Variants in EFNA2 observed in about 807,000 individuals in gnomAD.
EFNA2 encodes the protein ephrin-A2.
Under a neutral mutation model 19.7 loss-of-function variants are expected in EFNA2, and 18 were observed. That is an observed-to-expected ratio of 0.91 (90% CI 0.63 to 1.35). The LOEUF is 1.35. EFNA2 is among the 40% of genes most tolerant of loss of function. The probability of loss-of-function intolerance (pLI) is 0.00; values close to 1 mark genes in which losing one functional copy is unlikely to be tolerated. For synonymous variants in EFNA2, 187 were observed against 137.8 expected, an observed-to-expected ratio of 1.36 and a Z score of -2.50; for missense variants, 303 against 296.0, an observed-to-expected ratio of 1.02 and a Z score of -0.17.
rs1195861904 is a variant in EFNA2, at chr19:1,295,866, G to T, written c.454+8G>T. ...ACGAGTATTACTACATCTGTGAGTG[G>T]GGTCGGGCCGGGGCTGCCGGGGCCC... On this transcript the variant is annotated splice_region_variant and intron_variant, in intron 2 of 3. Coordinates refer to ENST00000215368, the MANE Select transcript of EFNA2 (RefSeq NM_001405.4). This position sits in a 1 kb window ranked among gnomAD's most constrained non-coding sequence, Gnocchi z 5.8. 1.3e-6 allele frequency: 2 copies of T among 1,574,608 alleles called. No homozygotes were observed. Among genetic ancestry groups the T allele is most frequent in the Non-Finnish European group, 1.7e-6 (2 of 1,166,864 alleles).
chr19:1,298,710 G>T, intron 3 of EFNA2, 94 bp downstream of exon 3: 1 of 1,412,740 alleles, frequency 7.1e-7, no homozygotes, highest in Non-Finnish European at 9.7e-7. Flanking sequence ...CAGGACAGGG[G>T]GCCTCGGGTT....
Position 1,299,777 on chromosome 19 carries a change from A to G in EFNA2, c.521-47A>G, listed in dbSNP as rs561258812. Reference sequence around the variant, plus strand: ...AGGGCGGGCGGCACGTGGGGAGCCCAGTGGGGTTCGGGCGGCCGCTGAGCG... The same window carrying G: ...AGGGCGGGCGGCACGTGGGGAGCCCGGTGGGGTTCGGGCGGCCGCTGAGCG... On this transcript the variant is annotated intron_variant, in intron 3 of 3. Coordinates refer to ENST00000215368, the MANE Select transcript of EFNA2 (RefSeq NM_001405.4). 28 of 1,557,242 alleles carry G rather than the reference A, an allele frequency of 1.8e-5. No individual in the cohort carries two copies. In the South Asian group the frequency reaches 3.3e-4, roughly 18 times the overall value.
At position 1,286,826 on chromosome 19, in the gene EFNA2, G is replaced by C. The variant is rs1412085328; in HGVS notation, c.140+518G>C. 6.6e-6 allele frequency among the ~76,000 whole-genome samples: 1 copy of C among 152,226 alleles called. No homozygotes were observed. Among genetic ancestry groups the C allele is most frequent in the African/African-American group, 2.4e-5 (1 of 41,470 alleles). ...GGAAGTTGGAGTGTCCCTCCCTCAG[G>C]ACCCAGCATCTGCTTCACTCCAGGG... On this transcript the variant is annotated intron_variant, in intron 1 of 3. Transcript: ENST00000215368. This position sits in a 1 kb window ranked among gnomAD's most constrained non-coding sequence, Gnocchi z 5.6.
intron 1 of EFNA2, among the ~76,000 whole-genome samples, chr19:1,290,756 G>C (rs1023168721): frequency 6.6e-6 from 1 of 152,178 alleles, no homozygotes; most frequent in Non-Finnish European, 1.5e-5. Context: ...TACCTTGCTG[G>C]GGGAAGGGCT....
chr19:1,288,112 C>T (rs1442434560), intron 1 of EFNA2, among the ~76,000 whole-genome samples: 1 of 152,240 alleles, frequency 6.6e-6, no homozygotes, highest in Non-Finnish European at 1.5e-5. Context: ...ACCGAGGCTG[C>T]CTCCTCCTTC....
In EFNA2 at chr19:1,286,209, TG is replaced by T; in HGVS notation, c.42del (p.Leu15CysfsTer49). On this transcript the variant is annotated frameshift_variant, in exon 1 of 4. Transcript: ENST00000215368. LOFTEE classifies it high-confidence loss of function. The surrounding 1 kb of genome is among the most constrained non-coding windows in gnomAD (Gnocchi z 5.6). ...CGCCCGCTGCTCCCGCTGCTGCTCC[TG>T]CTGTTACCGCTGCCGCCGCCGCCCT... ...AQRPLLPLLL[L>X]LLPLPPPPFA... is the part of the protein sequence containing the mutation. 9.1e-7 allele frequency: 1 copy of T among 1,100,118 alleles called. No homozygotes were observed. The highest frequency in any genetic ancestry group is 1.1e-6 in the Non-Finnish European group (1 of 893,442). The allele number at this position is 1,100,118 out of a possible 1,614,324, so 68.1% of individuals were successfully genotyped here. A position where few individuals can be genotyped will look rare whatever the true frequency, so the allele number is the denominator to read the frequency against.
rs533045914 is a variant in EFNA2 at position 1,287,973 on chromosome 19, G to T, written c.140+1665G>T. On this transcript the variant is annotated intron_variant, in intron 1 of 3. Coordinates refer to ENST00000215368, the MANE Select transcript of EFNA2 (RefSeq NM_001405.4). The surrounding 1 kb of genome is among the most constrained non-coding windows in gnomAD (Gnocchi z 6.2). ...CGGGCCGGACCCCCGGCCAGGGGAAGGAAGTGGCCTCCCCAGTGCCTGGCT... is the reference window on the plus strand; with the variant it reads ...CGGGCCGGACCCCCGGCCAGGGGAATGAAGTGGCCTCCCCAGTGCCTGGCT... Among the ~76,000 whole-genome samples the T allele has an allele frequency of 1.6e-4, 24 of 152,392 alleles. No individual in the cohort carries two copies. The highest frequency in any genetic ancestry group is 5.8e-4 in the African/African-American group (24 of 41,602).
At position 1,300,037 on chromosome 19, in the gene EFNA2, C is replaced by T. The variant is rs894266896; in HGVS notation, c.*92C>T. 7.6e-6 allele frequency: 11 copies of T among 1,450,984 alleles called. No individual in the cohort carries two copies. Among genetic ancestry groups the T allele is most frequent in the Non-Finnish European group, 1.0e-5 (11 of 1,101,028 alleles). The allele number at this position is 1,450,984 out of a possible 1,614,324, so 89.9% of individuals were successfully genotyped here. ...CGGACCCGGCTGCGGCCCCCGCCTC[C>T]GAGACCAAATAGAGACGCTGCTTCT... On this transcript the variant is annotated 3_prime_UTR_variant, in exon 4 of 4. Transcript: ENST00000215368.
At chr19:1,298,950 A>C (rs1018604985) in intron 3 of EFNA2, among the ~76,000 whole-genome samples, 8 of 151,118 alleles carry the variant, frequency 5.3e-5, no homozygotes, top group African/African-American at 2.0e-4. Flanking sequence ...GTCTCTAAAA[A>C]ACAAAGCAGG....
intron 1 of EFNA2, among the ~76,000 whole-genome samples, chr19:1,290,137 C>T (rs1438844409): frequency 2.0e-5 from 3 of 151,880 alleles, no homozygotes; most frequent in South Asian, 2.1e-4. Context: ...GCGGTGGGTG[C>T]GGCTCGGCCG....
Position 1,294,068 on chromosome 19 carries a change from G to C in EFNA2, c.141-1477G>C, listed in dbSNP as rs564829648. ...TAGAGGCAGTGCCAGGGCCGGGATC[G>C]TAGCAGCCTGCACCCATGTGCTGCC... On this transcript the variant is annotated intron_variant, in intron 1 of 3. Coordinates refer to ENST00000215368, the MANE Select transcript of EFNA2 (RefSeq NM_001405.4). This position sits in a 1 kb window ranked among gnomAD's most constrained non-coding sequence, Gnocchi z 5.8. Among the ~76,000 whole-genome samples the C allele has an allele frequency of 1.3e-5, 2 of 152,258 alleles. No homozygotes were observed. The highest frequency in any genetic ancestry group is 2.9e-5 in the Non-Finnish European group (2 of 68,038).
At chr19:1,291,514 C>T (rs575018988) in intron 1 of EFNA2, among the ~76,000 whole-genome samples, 4 of 152,068 alleles carry the variant, frequency 2.6e-5, no homozygotes, top group East Asian at 1.9e-4. Context: ...AGGGGACGGG[C>T]GGCCTCAGCC....
chr19:1,286,145 G>A lies in EFNA2; in HGVS notation c.-24G>A. On this transcript the variant is annotated 5_prime_UTR_variant, in exon 1 of 4. Transcript: ENST00000215368. This position sits in a 1 kb window ranked among gnomAD's most constrained non-coding sequence, Gnocchi z 5.6. The stretch of plus-strand genomic sequence containing the variant: ...GCTGGCAGGCGGCGGCCGGGAGAGC[G>A]AGCGCGGCGGCCGGACCGGGGCCAT... 5 of 891,656 alleles carry A rather than the reference G, an allele frequency of 5.6e-6. No individual in the cohort carries two copies. The highest frequency in any genetic ancestry group is 6.7e-6 in the Non-Finnish European group (5 of 745,606). The allele number at this position is 891,656 out of a possible 1,614,324, so 55.2% of individuals were successfully genotyped here. A position where few individuals can be genotyped will look rare whatever the true frequency, so the allele number is the denominator to read the frequency against.
At position 1,295,818 on chromosome 19, in the gene EFNA2, G is replaced by C. The variant is rs1172223126; in HGVS notation, c.414G>C (p.Leu138=). Residue 138 remains leucine (L), a synonymous_variant, in exon 2 of 4, where the codon CTG becomes CTC. Coordinates refer to ENST00000215368, the MANE Select transcript of EFNA2 (RefSeq NM_001405.4). This position sits in a 1 kb window ranked among gnomAD's most constrained non-coding sequence, Gnocchi z 5.8. The part of the protein sequence containing the change: ...EKFQLFTPFS[L]GFEFRPGHEY... Reference sequence around the variant, plus strand: ...TCCAGCTCTTCACGCCCTTCTCCCTGGGCTTCGAGTTCCGGCCCGGCCACG... The same window carrying C: ...TCCAGCTCTTCACGCCCTTCTCCCTCGGCTTCGAGTTCCGGCCCGGCCACG... 6.2e-7 allele frequency: 1 copy of C among 1,606,804 alleles called. No homozygotes were observed. The highest frequency in any genetic ancestry group is 1.7e-5 in the Admixed American group (1 of 58,758).
chr19:1,295,947 G>A lies in EFNA2; in HGVS notation c.454+89G>A. Reference sequence around the variant, plus strand: ...GAAGTGGGCGGGACCACTGGGGTGGGGCCGGGGAGTGGGCGGGGCAGCGCA... The same window carrying A: ...GAAGTGGGCGGGACCACTGGGGTGGAGCCGGGGAGTGGGCGGGGCAGCGCA... On this transcript the variant is annotated intron_variant, in intron 2 of 3. Coordinates refer to ENST00000215368, the MANE Select transcript of EFNA2 (RefSeq NM_001405.4). This position sits in a 1 kb window ranked among gnomAD's most constrained non-coding sequence, Gnocchi z 5.8. The A allele has an allele frequency of 7.7e-7, 1 of 1,305,038 alleles. No homozygotes were observed. The highest frequency in any genetic ancestry group is 1.0e-6 in the Non-Finnish European group (1 of 989,518). The allele number at this position is 1,305,038 out of a possible 1,614,324, so 80.8% of individuals were successfully genotyped here.
At chr19:1,298,209 A>G (rs2081524851) in intron 2 of EFNA2, among the ~76,000 whole-genome samples, 1 of 151,544 alleles carries the variant, frequency 6.6e-6, no homozygotes, top group Non-Finnish European at 1.5e-5. Flanking sequence ...TCATTTCACT[A>G]TTAATATATC....
In EFNA2 at chr19:1,286,969, G is replaced by A. The variant is rs1179649796; in HGVS notation, c.140+661G>A. 6.6e-6 allele frequency among the ~76,000 whole-genome samples: 1 copy of A among 152,210 alleles called. No homozygotes were observed. Among genetic ancestry groups the A allele is most frequent in the African/African-American group, 2.4e-5 (1 of 41,456 alleles). On this transcript the variant is annotated intron_variant, in intron 1 of 3. Coordinates refer to ENST00000215368, the MANE Select transcript of EFNA2 (RefSeq NM_001405.4). This position sits in a 1 kb window ranked among gnomAD's most constrained non-coding sequence, Gnocchi z 5.6. ...TCTGGGCGCTGACCAGGAAACTGAG[G>A]TGCAGAGGGGATGAGGAGCTGGCTC...
At position 1,296,056 on chromosome 19, in the gene EFNA2, G is replaced by T. The variant is rs1264926474; in HGVS notation, c.454+198G>T. ...AGGGGGGAGTGGGCGGGGCCGCGGAGTGGGGCCAGGGCCGGTGCTGGCCAC... is the reference window on the plus strand; with the variant it reads ...AGGGGGGAGTGGGCGGGGCCGCGGATTGGGGCCAGGGCCGGTGCTGGCCAC... On this transcript the variant is annotated intron_variant, in intron 2 of 3. Transcript: ENST00000215368. This position sits in a 1 kb window ranked among gnomAD's most constrained non-coding sequence, Gnocchi z 4.4. 6.6e-6 allele frequency among the ~76,000 whole-genome samples: 1 copy of T among 150,978 alleles called. No individual in the cohort carries two copies. Among genetic ancestry groups the T allele is most frequent in the African/African-American group, 2.4e-5 (1 of 40,968 alleles).
At chr19:1,289,825 G>A (rs893291606) in intron 1 of EFNA2, among the ~76,000 whole-genome samples, 35 of 152,296 alleles carry the variant, frequency 2.3e-4, no homozygotes, top group South Asian at 4.1e-4. Flanking sequence ...CTCGCTCCCC[G>A]TGGCTCCGCT....
Sources: allele counts gnomAD v4.1 joint callset (sites outside exome capture counted in the v4.1 genomes callset), GRCh38; gene constraint gnomAD v4.1.1; non-coding constraint Gnocchi (gnomAD v3.1); transcripts MANE v1.5; gene names NCBI Gene and HGNC (gene_info 2026-07-23, HGNC 2026-07-21).